Variants in FOCAD observed in about 807,000 individuals in gnomAD.
FOCAD encodes the protein KIAA1797.
In FOCAD, 198 loss-of-function variants were observed where a neutral mutation model predicts 225.6. The ratio of observed to expected loss-of-function variants is 0.88; its 90% CI spans 0.78 to 0.99. The LOEUF is 0.99. FOCAD is among the 50% of genes least tolerant of loss of function. The pLI, the probability that FOCAD is intolerant of heterozygous loss-of-function variation, is 0.00. For missense variants in FOCAD, 2,713 were observed against 2,123.6 expected (o/e 1.28, Z -5.46); for synonymous variants, 897 against 755.0 (o/e 1.19, Z -3.08).
chr9:20,807,550 A>G (rs1166649208), intron 11 of FOCAD, among the ~76,000 whole-genome samples: 1 of 152,240 alleles, frequency 6.6e-6, no homozygotes, highest in Non-Finnish European at 1.5e-5. Flanking sequence ...CATAAAAATT[A>G]TTACTGAAGT....
At chr9:20,704,241 C>A (rs1824201812) in intron 1 of FOCAD, among the ~76,000 whole-genome samples, 1 of 152,184 alleles carries the variant, frequency 6.6e-6, no homozygotes, top group African/African-American at 2.4e-5. Flanking sequence ...CTCTCCATGT[C>A]CATTTTCGTG....
At chr9:20,872,575 T>G (rs1209399613) in intron 18 of FOCAD, among the ~76,000 whole-genome samples, 1 of 137,840 alleles carries the variant, frequency 7.3e-6, no homozygotes, top group Non-Finnish European at 1.5e-5. Flanking sequence ...CCTTCCTCCC[T>G]CCCTCTCTCC....
At chr9:20,723,572 C>A (rs779406678) in intron 4 of FOCAD, among the ~76,000 whole-genome samples, 76 of 152,098 alleles carry the variant, frequency 5.0e-4, no homozygotes, top group Non-Finnish European at 4.6e-4. Context: ...CTGTCCTATC[C>A]CAGTATCTGT....
At chr9:20,787,661 A>G (rs905117383) in intron 10 of FOCAD, among the ~76,000 whole-genome samples, 12 of 152,328 alleles carry the variant, frequency 7.9e-5, no homozygotes, top group Admixed American at 1.3e-4. Flanking sequence ...CATATAATGA[A>G]TGCAGCCTTC....
chr9:20,951,834 G>A (rs142017945), intron 34 of FOCAD, among the ~76,000 whole-genome samples: 1 of 152,154 alleles, frequency 6.6e-6, no homozygotes, highest in African/African-American at 2.4e-5. Flanking sequence ...TGACCCACTG[G>A]CTATCTTGGA....
upstream of FOCAD, among the ~76,000 whole-genome samples, chr9:20,679,812 T>C (rs933760455): frequency 6.6e-6 from 1 of 152,176 alleles, no homozygotes; most frequent in Admixed American, 6.5e-5. Context: ...ATTTGAAAGG[T>C]GTTTTAATCC....
At position 20,982,380 on chromosome 9, in the gene FOCAD, C is replaced by G. The variant is rs147238626; in HGVS notation, c.4662C>G (p.Ile1554Met). Residue 1554 changes from isoleucine (I) to methionine (M), a missense_variant, in exon 39 of 44, where the codon ATC becomes ATG. By Grantham distance (10) the Ile-to-Met change is conservative. Transcript: ENST00000338382. ...KIRRKDLELY[I>M]SIAKCLLEMT... ...AGAGAAAGGATCTAGAGCTGTATAT[C>G]AGCATAGCAAAATGCCTCTTAGAAA... The G allele has an allele frequency of 1.2e-6, 2 of 1,613,658 alleles. No homozygotes were observed. The highest frequency in any genetic ancestry group is 1.7e-6 in the Non-Finnish European group (2 of 1,179,662).
At chr9:20,772,543 G>C (rs11789636) in intron 8 of FOCAD, among the ~76,000 whole-genome samples, 45,358 of 152,072 alleles carry the variant, frequency 0.3, 7,661 homozygotes, top group Non-Finnish European at 0.38. Context: ...ATCTCAATAA[G>C]AGGGAGTGGT....
At chr9:20,824,828 T>A (rs1428959049) in intron 15 of FOCAD, among the ~76,000 whole-genome samples, 1 of 152,092 alleles carries the variant, frequency 6.6e-6, no homozygotes, top group Admixed American at 6.6e-5. Flanking sequence ...GAATGCTTAT[T>A]TTCTTACCTC....
intron 20 of FOCAD, among the ~76,000 whole-genome samples, chr9:20,884,131 TAAA>T (rs1244467006): frequency 6.6e-6 from 1 of 152,200 alleles, no homozygotes; most frequent in Non-Finnish European, 1.5e-5. Context: ...TTGAAATTTT[TAAA>T]AAACTTAATA....
chr9:20,990,493 C>T, intron 42 of FOCAD, 119 bp downstream of exon 42: 1 of 1,247,396 alleles, frequency 8.0e-7, no homozygotes, highest in Non-Finnish European at 1.1e-6. Context: ...ACTTTCCTAC[C>T]CAGCCCCATA....
chr9:20,887,352 A>C (rs1393472040), intron 21 of FOCAD, among the ~76,000 whole-genome samples: 3 of 151,782 alleles, frequency 2.0e-5, no homozygotes. Flanking sequence ...CTCCTGCCTC[A>C]GCCTCCCGAG....
At chr9:20,890,956 C>T (rs530525644) in intron 21 of FOCAD, among the ~76,000 whole-genome samples, 147 of 152,094 alleles carry the variant, frequency 9.7e-4, no homozygotes, top group African/African-American at 3.3e-3. Context: ...ATTGAAGGTT[C>T]GTGGCAGCCC....
upstream of FOCAD, chr9:20,683,268 G>C (rs1344068315): frequency 6.6e-6 from 1 of 152,192 alleles, no homozygotes; most frequent in Non-Finnish European, 1.5e-5. Flanking sequence ...TCTGGCAGCA[G>C]ACCTTTTTCA....
intron 25 of FOCAD, among the ~76,000 whole-genome samples, chr9:20,924,816 A>G (rs1834789220): frequency 1.3e-5 from 2 of 152,200 alleles, no homozygotes; most frequent in African/African-American, 4.8e-5. Context: ...AGTCCAGGCA[A>G]CAGGTACTAA....
rs764967775 is a variant in FOCAD, at chr9:20,976,503, G to A, written c.4216G>A (p.Val1406Met). The stretch of plus-strand genomic sequence containing the variant: ...TGGAGAAAGCTACCAATATCCTCCT[G>A]TGAACTGGGCTGCACTTCTCTCTCC... ...TVGESYQYPP[V>M]NWAALLSPLM... Residue 1406 changes from valine (V) to methionine (M), a missense_variant, in exon 36 of 44, where the codon GTG becomes ATG. Transcript: ENST00000338382. 1 of 1,613,202 alleles carries A rather than the reference G, an allele frequency of 6.2e-7. No homozygotes were observed. The highest frequency in any genetic ancestry group is 8.5e-7 in the Non-Finnish European group (1 of 1,179,392).
At chr9:20,889,368 T>C (rs1399495465) in intron 21 of FOCAD, among the ~76,000 whole-genome samples, 1 of 152,254 alleles carries the variant, frequency 6.6e-6, no homozygotes, top group Non-Finnish European at 1.5e-5. Context: ...ATTTAATTTA[T>C]CCATCTTTCA....
intron 1 of FOCAD, among the ~76,000 whole-genome samples, chr9:20,711,189 A>G (rs184244852): frequency 5.3e-5 from 8 of 152,370 alleles, no homozygotes; most frequent in Admixed American, 4.6e-4. Context: ...AAGGAGTTTA[A>G]TATTTAAGCA....
chr9:20,741,703 T>C (rs1251562116), intron 5 of FOCAD, among the ~76,000 whole-genome samples: 2 of 85,844 alleles, frequency 2.3e-5, no homozygotes, highest in East Asian at 6.5e-4. Flanking sequence ...TTTTTTAACA[T>C]AGTGGTGTCC....
Sources: allele counts gnomAD v4.1 joint callset (sites outside exome capture counted in the v4.1 genomes callset), GRCh38; gene constraint gnomAD v4.1.1; transcripts MANE v1.5; gene names NCBI Gene and HGNC (gene_info 2026-07-23, HGNC 2026-07-21).